The following VMP1 variants were observed in gnomAD, a reference collection of about 807,000 sequenced individuals.
VMP1 encodes vacuole membrane protein 1.
In VMP1, 11 loss-of-function variants were observed where a neutral mutation model predicts 56.0. The observed-to-expected ratio is 0.20, with a 90% CI of 0.12 to 0.32. The LOEUF is 0.32. VMP1 is among the 10% of genes least tolerant of loss of function. The probability of loss-of-function intolerance (pLI) is 1.00; values close to 1 mark genes in which losing one functional copy is unlikely to be tolerated. For missense variants in VMP1, 296 were observed against 490.3 expected, an observed-to-expected ratio of 0.60 and a Z score of 3.74; for synonymous variants, 149 against 165.0, an observed-to-expected ratio of 0.90 and a Z score of 0.74.
At chr17:59,773,152 G>T (rs1045154874) in intron 6 of VMP1, among the ~76,000 whole-genome samples, 1 of 151,408 alleles carries the variant, frequency 6.6e-6, no homozygotes, top group African/African-American at 2.4e-5. Flanking sequence ...AGTAGAGATG[G>T]GGTTTCACCC....
At chr17:59,781,579 A>G (rs923404700) in intron 7 of VMP1, among the ~76,000 whole-genome samples, 2 of 152,178 alleles carry the variant, frequency 1.3e-5, no homozygotes, top group Admixed American at 1.3e-4. Flanking sequence ...AAATATTTAT[A>G]TACCTAAGAG....
At chr17:59,791,761 G>T (rs1480534950) in intron 7 of VMP1, among the ~76,000 whole-genome samples, 1 of 152,022 alleles carries the variant, frequency 6.6e-6, no homozygotes, top group South Asian at 2.1e-4. Context: ...ACCATGCCTG[G>T]CCCCATTGTT....
chr17:59,838,203 A>T, intron 10 of VMP1, 92 bp from the exon 11 acceptor site: 1 of 895,668 alleles, frequency 1.1e-6, no homozygotes, highest in Non-Finnish European at 1.7e-6. Flanking sequence ...CTGCCTTTTG[A>T]GTCCAGGTGG....
At chr17:59,809,227 G>A (rs559104186) in intron 8 of VMP1, among the ~76,000 whole-genome samples, 17 of 150,558 alleles carry the variant, frequency 1.1e-4, no homozygotes, top group Non-Finnish European at 2.2e-4. Context: ...AAACTCCTGG[G>A]CCCAAGTGAT....
intron 8 of VMP1, 133 bp from the exon 9 acceptor site, chr17:59,811,537 G>A (rs984414575): frequency 1.3e-5 from 9 of 700,340 alleles, no homozygotes; most frequent in East Asian, 2.5e-5. Context: ...GAACAATCCA[G>A]TAGTGATCAA....
intron 1 of VMP1, among the ~76,000 whole-genome samples, chr17:59,726,931 G>A (rs757815460): frequency 2.6e-5 from 4 of 152,144 alleles, no homozygotes; most frequent in Non-Finnish European, 5.9e-5. Flanking sequence ...CTCCGATAGT[G>A]CTTTCTACTT....
At chr17:59,722,003 C>T (rs1370522805) in intron 1 of VMP1, among the ~76,000 whole-genome samples, 1 of 152,226 alleles carries the variant, frequency 6.6e-6, no homozygotes, top group Non-Finnish European at 1.5e-5. Context: ...AGTCTTTCCT[C>T]TGTGTCCAGG....
chr17:59,802,956 G>T (rs941414431), intron 7 of VMP1, among the ~76,000 whole-genome samples: 1 of 152,086 alleles, frequency 6.6e-6, no homozygotes, highest in Admixed American at 6.6e-5. Context: ...ATGTTGGTCA[G>T]CCTGGTCTGG....
intron 1 of VMP1, among the ~76,000 whole-genome samples, chr17:59,708,297 T>C (rs187511637): frequency 8.1e-4 from 123 of 152,334 alleles, no homozygotes; most frequent in African/African-American, 2.9e-3. Context: ...TCTCAGATTT[T>C]TCACTGCTTT....
At chr17:59,715,475 A>G (rs577026468) in intron 1 of VMP1, among the ~76,000 whole-genome samples, 1 of 152,310 alleles carries the variant, frequency 6.6e-6, no homozygotes, top group South Asian at 2.1e-4. Context: ...CTATCATGAG[A>G]ACAGCATGGG....
intron 1 of VMP1, among the ~76,000 whole-genome samples, chr17:59,725,934 G>A (rs1336486246): frequency 2.6e-5 from 4 of 152,166 alleles, no homozygotes; most frequent in Non-Finnish European, 5.9e-5. Context: ...ATTGTTATAA[G>A]TACGCACTCA....
chr17:59,807,960 G>T (rs2037909115), intron 7 of VMP1, among the ~76,000 whole-genome samples: 1 of 151,222 alleles, frequency 6.6e-6, no homozygotes, highest in African/African-American at 2.4e-5. Context: ...CTCATTTTTT[G>T]TCTTATGAAC....
chr17:59,815,418 A>G (rs1337094108), intron 9 of VMP1, among the ~76,000 whole-genome samples: 1 of 151,880 alleles, frequency 6.6e-6, no homozygotes, highest in Non-Finnish European at 1.5e-5. Context: ...CTACCTTCAC[A>G]CTCACCAGCA....
At chr17:59,762,218 C>T (rs1034824957) in intron 5 of VMP1, among the ~76,000 whole-genome samples, 1 of 152,180 alleles carries the variant, frequency 6.6e-6, no homozygotes, top group African/African-American at 2.4e-5. Flanking sequence ...GGATCCCTAA[C>T]CCATGCTCCC....
At chr17:59,722,844 G>A (rs2034452713) in intron 1 of VMP1, among the ~76,000 whole-genome samples, 1 of 152,176 alleles carries the variant, frequency 6.6e-6, no homozygotes, top group African/African-American at 2.4e-5. Context: ...TTGCTCTACT[G>A]CATGCCAGCC....
At chr17:59,822,958 C>G (rs563925715) in intron 10 of VMP1, among the ~76,000 whole-genome samples, 3 of 152,050 alleles carry the variant, frequency 2.0e-5, no homozygotes, top group Non-Finnish European at 2.9e-5. Flanking sequence ...TGGTGGTACC[C>G]GCCTGTAGTC....
chr17:59,781,952 A>G (rs913659965), intron 7 of VMP1, among the ~76,000 whole-genome samples: 1 of 152,044 alleles, frequency 6.6e-6, no homozygotes, highest in Non-Finnish European at 1.5e-5. Context: ...TCTGTCGCCT[A>G]TGCTGGAGTG....
Position 59,718,307 on chromosome 17 carries a change from C to T in VMP1, c.-27+10559C>T, listed in dbSNP as rs151142207. On this transcript the variant is annotated intron_variant, in intron 1 of 11. Coordinates refer to ENST00000262291, the MANE Select transcript of VMP1 (RefSeq NM_030938.5). ...TGCCTTCTGGGTTCACGCCATTCTC[C>T]TGCCTCAGCCTCCCAAGTAGCTGGG... Among the ~76,000 whole-genome samples the T allele has an allele frequency of 8.1e-3, 1,217 of 150,356 alleles. 18 individuals are homozygous for T. Among genetic ancestry groups the T allele is most frequent in the African/African-American group, 0.028 (1,134 of 40,932 alleles).
At chr17:59,763,014 A>ACTAC (rs1460449767) in intron 5 of VMP1, among the ~76,000 whole-genome samples, 2 of 152,140 alleles carry the variant, frequency 1.3e-5, no homozygotes, top group South Asian at 2.1e-4. Flanking sequence ...TTAGCTGTAG[A>ACTAC]CTACCTGTAG....
Sources: gnomAD v4.1 joint callset for allele counts (sites outside exome capture counted in the v4.1 genomes callset) on GRCh38, gnomAD v4.1.1 for gene constraint, MANE v1.5 for transcripts, NCBI Gene and HGNC (gene_info 2026-07-23, HGNC 2026-07-21) for gene names.